BCL11A: variants seen among roughly 807,000 people sequenced by gnomAD.
BCL11A encodes BCL11 transcription factor A, also known as B cell CLL/lymphoma 11A.
A neutral mutation model predicts 55.9 loss-of-function variants in BCL11A; 2 were observed. That is an observed-to-expected ratio of 0.04 (90% CI 0.01 to 0.11). The LOEUF is 0.11. BCL11A is among the 10% of genes least tolerant of loss of function. The probability of loss-of-function intolerance (pLI) is 1.00; values close to 1 mark genes in which losing one functional copy is unlikely to be tolerated. For synonymous variants in BCL11A, 465 were observed against 473.4 expected, an observed-to-expected ratio of 0.98 and a Z score of 0.23; for missense variants, 817 against 1,137.1, an observed-to-expected ratio of 0.72 and a Z score of 4.05.
downstream of BCL11A, among the ~76,000 whole-genome samples, chr2:60,456,441 C>T (rs924019957): frequency 4.6e-5 from 7 of 152,184 alleles, no homozygotes; most frequent in African/African-American, 7.2e-5. Flanking sequence ...TTGCTGTCAT[C>T]CAGGAAGACC....
At chr2:60,504,703 G>C (rs1040710775) in intron 2 of BCL11A, among the ~76,000 whole-genome samples, 2 of 152,186 alleles carry the variant, frequency 1.3e-5, no homozygotes, top group Admixed American at 1.3e-4. Context: ...TATTTACTGA[G>C]AAGCTTCTTC....
intron 2 of BCL11A, among the ~76,000 whole-genome samples, chr2:60,499,046 G>C (rs1679117798): frequency 6.6e-6 from 1 of 152,134 alleles, no homozygotes; most frequent in Admixed American, 6.5e-5. Context: ...GCATCCAAAG[G>C]GAAGAATGCT....
chr2:60,537,318 G>A (rs1456740694), intron 2 of BCL11A: 1 of 152,190 alleles, frequency 6.6e-6, no homozygotes, highest in African/African-American at 2.4e-5. Context: ...GTGATGGAGA[G>A]AAACTCACGA....
chr2:60,491,653 A>G (rs1052727910), intron 2 of BCL11A, among the ~76,000 whole-genome samples: 1 of 151,632 alleles, frequency 6.6e-6, no homozygotes, highest in African/African-American at 2.4e-5. Flanking sequence ...CCCGGGCAAC[A>G]AGAGTAAATC....
chr2:60,549,159 T>C (rs1451593307), intron 1 of BCL11A, among the ~76,000 whole-genome samples: 4 of 152,138 alleles, frequency 2.6e-5, no homozygotes, highest in African/African-American at 9.7e-5. Context: ...GAAAATAAAA[T>C]GCTTCTACGT....
rs2104355022 is a variant in BCL11A at position 60,495,522 on chromosome 2, C to T, written c.386-26689G>A. Among the ~76,000 whole-genome samples the T allele has an allele frequency of 2.0e-5, 3 of 152,326 alleles. 1 individual carries two copies. Among genetic ancestry groups the T allele is most frequent in the Admixed American group, 2.0e-4 (3 of 15,296 alleles). On this transcript the variant is annotated intron_variant, in intron 2 of 3. Transcript: ENST00000642384. ...TGCCTTCCTTATCACAGGAATAGCA[C>T]CCAAGGTCCATCAGTACCTCAGAGT...
chr2:60,513,024 C>T (rs1668549561), intron 2 of BCL11A, among the ~76,000 whole-genome samples: 1 of 152,148 alleles, frequency 6.6e-6, no homozygotes, highest in African/African-American at 2.4e-5. Context: ...ACACCACCAC[C>T]TCTGGTTACC....
At chr2:60,524,105 G>A (rs1003513079) in intron 2 of BCL11A, among the ~76,000 whole-genome samples, 4 of 152,148 alleles carry the variant, frequency 2.6e-5, no homozygotes, top group Non-Finnish European at 4.4e-5. Context: ...CTCCCATTTC[G>A]CAAACAAAAT....
intron 2 of BCL11A, chr2:60,538,302 A>G (rs953698171): frequency 2.0e-5 from 3 of 152,262 alleles, no homozygotes; most frequent in Non-Finnish European, 4.4e-5. Context: ...TGCATACGTC[A>G]ATCGTGCACT....
chr2:60,539,442 C>G (rs1294585523), intron 2 of BCL11A, among the ~76,000 whole-genome samples: 1 of 152,190 alleles, frequency 6.6e-6, no homozygotes, highest in Non-Finnish European at 1.5e-5. Flanking sequence ...AAATAGACCC[C>G]AAGTTACTAA....
intron 1 of BCL11A, among the ~76,000 whole-genome samples, chr2:60,550,440 G>T (rs913714927): frequency 6.6e-6 from 1 of 152,156 alleles, no homozygotes; most frequent in East Asian, 1.9e-4. Flanking sequence ...CTCCCCGGAC[G>T]AGAATCGCCG....
intron 2 of BCL11A, among the ~76,000 whole-genome samples, chr2:60,493,674 T>C (rs942951499): frequency 6.6e-6 from 1 of 152,194 alleles, no homozygotes; most frequent in African/African-American, 2.4e-5. Flanking sequence ...TGGACTTAGT[T>C]GACCTCCCCC....
chr2:60,525,487 T>C (rs1002707870), intron 2 of BCL11A: 2 of 152,184 alleles, frequency 1.3e-5, no homozygotes, highest in Non-Finnish European at 2.9e-5. Flanking sequence ...ATAGCTTCCA[T>C]CTTTGAGGCA....
rs138166869 is a variant in BCL11A, at chr2:60,461,620, G to A, written c.1292C>T (p.Ser431Leu). Residue 431 changes from serine (S) to leucine (L), a missense_variant, in exon 4 of 4, where the codon TCG becomes TTG. This residue lies in a region of BCL11A where 45 missense variants were observed against 109.0 expected (regional missense o/e 0.41). Transcript: ENST00000642384. The part of the protein sequence containing the change: ...KRHMKTHMHK[S>L]SPMTVKSDDG... ...GTCGGACTTGACCGTCATGGGGGAC[G>A]ATTTGTGCATGTGCGTCTTCATGTG... is the stretch of plus-strand genomic sequence containing the variant. 1.9e-6 allele frequency: 3 copies of A among 1,613,690 alleles called. No individual in the cohort carries two copies. Among genetic ancestry groups the A allele is most frequent in the Non-Finnish European group, 1.7e-6 (2 of 1,180,046 alleles).
In BCL11A at chr2:60,458,682, C is replaced by CT. The variant is rs897865667; in HGVS notation, c.*1721dup. ...TTTTCAGCATTCTTGCAACTTTTCC[C>CT]TTAAGTATAGACCTGTAAACTGGGA... On this transcript the variant is annotated 3_prime_UTR_variant, in exon 4 of 4. Coordinates refer to ENST00000642384, the MANE Select transcript of BCL11A (RefSeq NM_022893.4). 3 of 1,028,628 alleles carry CT rather than the reference C, an allele frequency of 2.9e-6. No individual in the cohort carries two copies. The African/African-American group carries it at 5.1e-5, about 17-fold the overall frequency. 63.7% of individuals were successfully genotyped at this position (1,028,628 alleles called of 1,614,324 possible). A position where few individuals can be genotyped will look rare whatever the true frequency, so the allele number is the denominator to read the frequency against.
intron 2 of BCL11A, among the ~76,000 whole-genome samples, chr2:60,491,066 G>C (rs1678599884): frequency 6.6e-6 from 1 of 152,114 alleles, no homozygotes; most frequent in Non-Finnish European, 1.5e-5. Flanking sequence ...GTGCCAACCA[G>C]ACTGTGCGCC....
chr2:60,528,588 G>A (rs1192057265), intron 2 of BCL11A: 1 of 152,310 alleles, frequency 6.6e-6, no homozygotes, highest in Non-Finnish European at 1.5e-5. Flanking sequence ...AGAGCTTCCT[G>A]CCCAGTTGTT....
At position 60,553,571 on chromosome 2, in the gene BCL11A, C is replaced by T; in HGVS notation, c.-301G>A. 5.2e-6 allele frequency: 2 copies of T among 381,730 alleles called. No individual in the cohort carries two copies. Among genetic ancestry groups the T allele is most frequent in the South Asian group, 4.8e-5 (1 of 21,048 alleles). The allele number at this position is 381,730 out of a possible 1,614,324, so 23.6% of individuals were successfully genotyped here. On this transcript the variant is annotated 5_prime_UTR_variant, in exon 1 of 4. Transcript: ENST00000642384. ...AGAGAGAGAGAGATGAAAAAAATGG[C>T]AAAAGCCCCCCTGAGCTGCAAGTTC...
At chr2:60,529,048 C>T (rs115044106) in intron 2 of BCL11A, among the ~76,000 whole-genome samples, 294 of 152,304 alleles carry the variant, frequency 1.9e-3, no homozygotes, top group African/African-American at 6.8e-3. Flanking sequence ...TAAGGCAACA[C>T]ACGTCTATGG....
Sources: gnomAD v4.1 joint callset for allele counts (sites outside exome capture counted in the v4.1 genomes callset) on GRCh38, gnomAD v4.1.1 for gene constraint, gnomAD v4.1.1 regional missense constraint, MANE v1.5 for transcripts, NCBI Gene and HGNC (gene_info 2026-07-23, HGNC 2026-07-21) for gene names.